Variants in GPC5 observed in about 807,000 individuals in gnomAD.
GPC5 encodes the protein glypican 5, also known as glypican-5.
A neutral mutation model predicts 53.9 loss-of-function variants in GPC5; 47 were observed. That is an observed-to-expected ratio of 0.87 (90% CI 0.69 to 1.11). The LOEUF (loss-of-function observed/expected upper bound fraction) is 1.11. Ranked by LOEUF, GPC5 falls within the 50% of genes most tolerant of loss-of-function variation. The probability of loss-of-function intolerance (pLI) is 0.00; values close to 1 mark genes in which losing one functional copy is unlikely to be tolerated. For missense variants in GPC5, 748 were observed against 713.1 expected (o/e 1.05, Z -0.56); for synonymous variants, 286 against 263.3 (o/e 1.09, Z -0.84).
Position 91,675,970 on chromosome 13 carries a change from T to G in GPC5, c.326-17217T>G, listed in dbSNP as rs539000571. ...CAGGTTTTCTAATATGTACTAAAAA[T>G]GCAGATTTCTGGACTTAAGGAATCT... On this transcript the variant is annotated intron_variant, in intron 2 of 7. Transcript: ENST00000377067. 1.1e-4 allele frequency among the ~76,000 whole-genome samples: 16 copies of G among 152,344 alleles called. No individual in the cohort carries two copies. The East Asian group carries it at 2.7e-3, about 26-fold the overall frequency.
intron 7 of GPC5, among the ~76,000 whole-genome samples, chr13:92,264,516 G>A (rs1209569246): frequency 3.3e-5 from 5 of 151,880 alleles, no homozygotes; most frequent in Non-Finnish European, 5.9e-5. Context: ...CACAAGCAAA[G>A]CAATGAAAAA....
intron 2 of GPC5, among the ~76,000 whole-genome samples, chr13:91,538,173 G>A (rs1401284317): frequency 6.6e-6 from 1 of 152,196 alleles, no homozygotes; most frequent in East Asian, 1.9e-4. Flanking sequence ...TTGAAAAAGA[G>A]CCCACTTCAT....
intron 7 of GPC5, among the ~76,000 whole-genome samples, chr13:92,200,948 G>A (rs2042289787): frequency 6.8e-6 from 1 of 147,850 alleles, no homozygotes; most frequent in Non-Finnish European, 1.5e-5. Context: ...TGTAGGGAGA[G>A]CAACAGACAG....
chr13:91,758,754 T>C (rs1460358063), intron 5 of GPC5, among the ~76,000 whole-genome samples: 1 of 152,146 alleles, frequency 6.6e-6, no homozygotes, highest in Non-Finnish European at 1.5e-5. Flanking sequence ...CCCTTTCCTG[T>C]ACCACCACAG....
rs538797017 is a variant in GPC5, at chr13:91,593,767, C to T, written c.326-99420C>T. Among the ~76,000 whole-genome samples, 482 of 151,908 alleles carry T rather than the reference C, an allele frequency of 3.2e-3. 2 individuals carry two copies. Among genetic ancestry groups the T allele is most frequent in the African/African-American group, 0.011 (453 of 41,430 alleles). ...GATTTTTTTCAATCAGTGAAAAAAA[C>T]GAATGTTTTCATTTCATAAATATAT... On this transcript the variant is annotated intron_variant, in intron 2 of 7. Coordinates refer to ENST00000377067, the MANE Select transcript of GPC5 (RefSeq NM_004466.6).
At chr13:92,064,398 G>A (rs963417674) in intron 6 of GPC5, among the ~76,000 whole-genome samples, 3 of 152,170 alleles carry the variant, frequency 2.0e-5, no homozygotes, top group African/African-American at 7.2e-5. Flanking sequence ...CATTTGGATA[G>A]TGCAACCAAG....
chr13:92,264,671 T>C (rs9523559), intron 7 of GPC5, among the ~76,000 whole-genome samples: 52,413 of 151,850 alleles, frequency 0.35, 9,702 homozygotes, highest in African/African-American at 0.48. Flanking sequence ...TCTAGTTTTT[T>C]TTTTTTCTTA....
At chr13:91,961,233 C>G in intron 6 of GPC5, among the ~76,000 whole-genome samples, 1 of 152,060 alleles carries the variant, frequency 6.6e-6, no homozygotes, top group Admixed American at 6.6e-5. Context: ...TCTAAATACT[C>G]TGACTTAATC....
intron 2 of GPC5, among the ~76,000 whole-genome samples, chr13:91,623,039 G>A (rs951396105): frequency 6.6e-6 from 1 of 152,080 alleles, no homozygotes; most frequent in Non-Finnish European, 1.5e-5. Context: ...AGGGGAAGAA[G>A]GAGGAGGAGA....
intron 7 of GPC5, among the ~76,000 whole-genome samples, chr13:92,863,543 G>C (rs191027403): frequency 7.9e-5 from 12 of 152,138 alleles, no homozygotes; most frequent in Admixed American, 1.3e-4. Flanking sequence ...GCCCAGGCTG[G>C]AGTGCAATGG....
intron 5 of GPC5, among the ~76,000 whole-genome samples, chr13:91,871,481 A>C (rs1594631000): frequency 1.3e-5 from 2 of 152,082 alleles, no homozygotes; most frequent in Non-Finnish European, 2.9e-5. Context: ...ACAACCCTTC[A>C]CATGTACCCC....
chr13:92,329,165 A>G (rs1472829327), intron 7 of GPC5, among the ~76,000 whole-genome samples: 2 of 152,120 alleles, frequency 1.3e-5, no homozygotes, highest in East Asian at 3.9e-4. Context: ...TCTATAAAGA[A>G]ATAGCTGAGG....
intron 2 of GPC5, among the ~76,000 whole-genome samples, chr13:91,498,173 G>A (rs1041191969): frequency 6.7e-6 from 1 of 149,342 alleles, no homozygotes. Context: ...TTTTGTCTTG[G>A]CTGTTTGCTT....
At chr13:92,785,312 C>T (rs1323300210) in intron 7 of GPC5, among the ~76,000 whole-genome samples, 1 of 151,994 alleles carries the variant, frequency 6.6e-6, no homozygotes, top group African/African-American at 2.4e-5. Context: ...AACCCTTTCT[C>T]ATCATTTGCA....
intron 7 of GPC5, among the ~76,000 whole-genome samples, chr13:92,588,627 C>T (rs1008071148): frequency 6.6e-6 from 1 of 152,168 alleles, no homozygotes; most frequent in Non-Finnish European, 1.5e-5. Flanking sequence ...TGCCCTGGCC[C>T]TGTCCTTTCT....
chr13:92,250,935 G>A (rs2042688385), intron 7 of GPC5, among the ~76,000 whole-genome samples: 2 of 151,884 alleles, frequency 1.3e-5, no homozygotes, highest in African/African-American at 2.4e-5. Context: ...GGAAAAAATG[G>A]GCATAGGATC....
At chr13:92,642,107 T>C (rs1885614322) in intron 7 of GPC5, among the ~76,000 whole-genome samples, 1 of 152,136 alleles carries the variant, frequency 6.6e-6, no homozygotes, top group Non-Finnish European at 1.5e-5. Flanking sequence ...ATAATGTAGG[T>C]ATATAACGGC....
At chr13:92,626,606 C>G (rs1885053988) in intron 7 of GPC5, among the ~76,000 whole-genome samples, 1 of 152,108 alleles carries the variant, frequency 6.6e-6, no homozygotes, top group Admixed American at 6.6e-5. Context: ...TTTTGAGTCT[C>G]TTTTTAGAGC....
At chr13:92,069,185 T>C (rs2041190478) in intron 6 of GPC5, among the ~76,000 whole-genome samples, 1 of 152,154 alleles carries the variant, frequency 6.6e-6, no homozygotes, top group South Asian at 2.1e-4. Context: ...ATATGAGGTT[T>C]ATTTATTGAT....
Sources: gnomAD v4.1 joint callset for allele counts (sites outside exome capture counted in the v4.1 genomes callset) on GRCh38, gnomAD v4.1.1 for gene constraint, MANE v1.5 for transcripts, NCBI Gene and HGNC (gene_info 2026-07-23, HGNC 2026-07-21) for gene names.